RBX1: variants seen among roughly 807,000 people sequenced by gnomAD.
The protein encoded by RBX1 is E3 ubiquitin-protein ligase RBX1.
For synonymous variants in RBX1, 48 were observed against 47.9 expected (o/e 1.00, Z -0.01); for missense variants, 46 against 141.4 (o/e 0.33, Z 3.42).
At chr22:40,958,449 G>C (rs1827297380) in intron 2 of RBX1, among the ~76,000 whole-genome samples, 1 of 152,128 alleles carries the variant, frequency 6.6e-6, no homozygotes, top group African/African-American at 2.4e-5. Flanking sequence ...AATAAATCTT[G>C]TCTGACCTTA....
At chr22:40,963,263 A>C (rs1255313006) in intron 2 of RBX1, among the ~76,000 whole-genome samples, 1 of 152,184 alleles carries the variant, frequency 6.6e-6, no homozygotes, top group Non-Finnish European at 1.5e-5. Context: ...AGAGAAAGCA[A>C]GTTATGCATT....
At chr22:40,954,978 A>G (rs1601534113) in intron 2 of RBX1, among the ~76,000 whole-genome samples, 1 of 152,136 alleles carries the variant, frequency 6.6e-6, no homozygotes, top group South Asian at 2.1e-4. Context: ...GTAGAGACAC[A>G]GTTTTACCGT....
At chr22:40,971,244 T>C (rs1007186542) in intron 4 of RBX1, among the ~76,000 whole-genome samples, 4 of 152,212 alleles carry the variant, frequency 2.6e-5, no homozygotes, top group African/African-American at 7.2e-5. Context: ...GTGGTAGTTA[T>C]CAGTGCTTTG....
In RBX1 at chr22:40,972,531, T is replaced by C; in HGVS notation, c.*43T>C. 1 of 1,533,890 alleles carries C rather than the reference T, an allele frequency of 6.5e-7. No homozygotes were observed. The highest frequency in any genetic ancestry group is 9.0e-7 in the Non-Finnish European group (1 of 1,107,696). On this transcript the variant is annotated 3_prime_UTR_variant, in exon 5 of 5. Transcript: ENST00000216225. Reference sequence around the variant, plus strand: ...CAAGCTTAATTGTTTTGTTATTCATTTAATGACTTTCCCTGCTGTTACCTA... The same window carrying C: ...CAAGCTTAATTGTTTTGTTATTCATCTAATGACTTTCCCTGCTGTTACCTA...
Position 40,972,839 on chromosome 22 carries a change from G to T in RBX1, c.*351G>T. The T allele has an allele frequency of 5.5e-6, 1 of 181,700 alleles. No homozygotes were observed. 11.3% of individuals were successfully genotyped at this position (181,700 alleles called of 1,614,324 possible). Reference sequence around the variant, plus strand: ...AATCCAACAGCTCAAGGCAGAGTGTGGATCACCGGCTCCCGAAAACAGCAG... The same window carrying T: ...AATCCAACAGCTCAAGGCAGAGTGTTGATCACCGGCTCCCGAAAACAGCAG... On this transcript the variant is annotated 3_prime_UTR_variant, in exon 5 of 5. Transcript: ENST00000216225.
chr22:40,967,189 C>T (rs1276912930), intron 3 of RBX1: 4 of 152,122 alleles, frequency 2.6e-5, no homozygotes, highest in Non-Finnish European at 4.4e-5. Flanking sequence ...ATTAAAGGCA[C>T]GTGAAGTACT....
intron 2 of RBX1, among the ~76,000 whole-genome samples, chr22:40,956,675 G>C (rs1391423000): frequency 6.6e-6 from 1 of 151,670 alleles, no homozygotes; most frequent in Non-Finnish European, 1.5e-5. Context: ...ACCCCCCTTG[G>C]CCTCCCAAAG....
intron 3 of RBX1, 147 bp downstream of exon 3, chr22:40,964,264 C>A (rs553746267): frequency 7.5e-5 from 45 of 598,156 alleles, no homozygotes; most frequent in Non-Finnish European, 1.3e-4. Flanking sequence ...GATTTTAAAT[C>A]ATAATACTAT....
At chr22:40,965,749 G>C (rs1054175484) in intron 3 of RBX1, among the ~76,000 whole-genome samples, 2 of 152,108 alleles carry the variant, frequency 1.3e-5, no homozygotes, top group Non-Finnish European at 2.9e-5. Context: ...GCCCCTACCC[G>C]CACTTTCGGG....
At chr22:40,972,270 G>A (rs2058371166) in intron 4 of RBX1, among the ~76,000 whole-genome samples, 1 of 152,186 alleles carries the variant, frequency 6.6e-6, no homozygotes, top group African/African-American at 2.4e-5. Flanking sequence ...CTAAGAGGGG[G>A]CAGTAGGCAA....
chr22:40,960,969 G>A (rs572032859), intron 2 of RBX1, among the ~76,000 whole-genome samples: 7 of 151,956 alleles, frequency 4.6e-5, no homozygotes, highest in Non-Finnish European at 1.0e-4. Context: ...TCGCCATGTT[G>A]GCCAGGCTGG....
At position 40,972,877 on chromosome 22, in the gene RBX1, T is replaced by C. The variant is rs112859540; in HGVS notation, c.*389T>C. 1,152 of 170,484 alleles carry C rather than the reference T, an allele frequency of 6.8e-3. 15 individuals are homozygous for C. The highest frequency in any genetic ancestry group is 0.026 in the African/African-American group (1,091 of 42,132). The allele number at this position is 170,484 out of a possible 1,614,324, so 10.6% of individuals were successfully genotyped here. A position where few individuals can be genotyped will look rare whatever the true frequency, so the allele number is the denominator to read the frequency against. ...CCGAAAACAGCAGTCAGCCCTTCTT[T>C]CTCCTGTGTGACAGCAGTGGGCAGC... On this transcript the variant is annotated 3_prime_UTR_variant, in exon 5 of 5. Coordinates refer to ENST00000216225, the MANE Select transcript of RBX1 (RefSeq NM_014248.4).
intron 3 of RBX1, chr22:40,964,560 A>T (rs1458799176): frequency 6.4e-6 from 1 of 155,996 alleles, no homozygotes; most frequent in East Asian, 1.9e-4. Context: ...CTGAGATAAG[A>T]TTATTTTTTA....
intron 3 of RBX1, 135 bp from the exon 4 acceptor site, chr22:40,967,663 CT>C: frequency 1.6e-6 from 1 of 607,858 alleles, no homozygotes; most frequent in Non-Finnish European, 2.9e-6. Context: ...AGTTGTTGAA[CT>C]TTTGCCTCTC....
intron 2 of RBX1, among the ~76,000 whole-genome samples, chr22:40,962,061 G>T (rs1345809201): frequency 6.6e-6 from 1 of 152,044 alleles, no homozygotes; most frequent in Non-Finnish European, 1.5e-5. Context: ...TGGGATTGCA[G>T]GCGTGAGCCA....
chr22:40,964,628 G>A (rs1383699658), intron 3 of RBX1, among the ~76,000 whole-genome samples: 2 of 152,216 alleles, frequency 1.3e-5, no homozygotes, highest in African/African-American at 4.8e-5. Context: ...GGCCTTCCAA[G>A]AGTGTGACAG....
chr22:40,955,198 G>A (rs2058322013), intron 2 of RBX1, among the ~76,000 whole-genome samples: 1 of 151,498 alleles, frequency 6.6e-6, no homozygotes, highest in African/African-American at 2.4e-5. Flanking sequence ...GTCTAACCCA[G>A]CACTGTCCAA....
intron 2 of RBX1, among the ~76,000 whole-genome samples, chr22:40,959,238 A>T (rs1230943673): frequency 6.6e-6 from 1 of 152,216 alleles, no homozygotes; most frequent in Admixed American, 6.5e-5. Context: ...TATAAATCAC[A>T]TGATAGGCTT....
intron 2 of RBX1, among the ~76,000 whole-genome samples, chr22:40,956,297 TTTCTAAG>T (rs941558790): frequency 1.3e-5 from 2 of 152,136 alleles, no homozygotes; most frequent in African/African-American, 4.8e-5. Context: ...ATGAAAGTAT[TTTCTAAG>T]TCCTATCTTT....
Sources: allele counts gnomAD v4.1 joint callset (sites outside exome capture counted in the v4.1 genomes callset), GRCh38; gene constraint gnomAD v4.1.1; transcripts MANE v1.5; gene names NCBI Gene and HGNC (gene_info 2026-07-23, HGNC 2026-07-21).